TTC27: variants seen among roughly 807,000 people sequenced by gnomAD.
The protein encoded by TTC27 is tetratricopeptide repeat domain 27, also known as tetratricopeptide repeat protein 27.
In TTC27, 79 loss-of-function variants were observed where a neutral mutation model predicts 115.9. That is an observed-to-expected ratio of 0.68 (90% CI 0.57 to 0.82). The LOEUF is 0.82. TTC27 is among the 40% of genes least tolerant of loss of function. TTC27 has a pLI of 0.00. For synonymous variants in TTC27, 401 were observed against 356.0 expected, an observed-to-expected ratio of 1.13 and a Z score of -1.42; for missense variants, 1,054 against 993.1, an observed-to-expected ratio of 1.06 and a Z score of -0.82.
chr2:32,807,605 A>C (rs530009126), intron 16 of TTC27, among the ~76,000 whole-genome samples: 1 of 152,324 alleles, frequency 6.6e-6, no homozygotes, highest in African/African-American at 2.4e-5. Flanking sequence ...ATTGAAAATT[A>C]GTATTATAGG....
chr2:32,759,873 C>G (rs1358806250), intron 13 of TTC27, among the ~76,000 whole-genome samples: 2 of 152,222 alleles, frequency 1.3e-5, no homozygotes, highest in Non-Finnish European at 2.9e-5. Context: ...ACTTATTTCA[C>G]TTAGCATAAT....
At chr2:32,686,782 A>G (rs2151893026) in intron 9 of TTC27, among the ~76,000 whole-genome samples, 1 of 152,288 alleles carries the variant, frequency 6.6e-6, no homozygotes, top group South Asian at 2.1e-4. Flanking sequence ...AAAGGCAGAA[A>G]GATTCTGGAG....
intron 9 of TTC27, among the ~76,000 whole-genome samples, chr2:32,686,950 T>TTC (rs1248863003): frequency 2.0e-5 from 3 of 152,156 alleles, no homozygotes; most frequent in Non-Finnish European, 2.9e-5. Flanking sequence ...GTTCAAGCAA[T>TTC]TCCTGTGCCT....
At chr2:32,650,001 T>C in intron 4 of TTC27, 130 bp from the exon 5 acceptor site, 1 of 697,712 alleles carries the variant, frequency 1.4e-6, no homozygotes, top group Non-Finnish European at 2.4e-6. Flanking sequence ...AAGAGAGTAG[T>C]GGATGGGTAA....
At chr2:32,694,827 C>G (rs1243105495) in intron 9 of TTC27, among the ~76,000 whole-genome samples, 1 of 151,618 alleles carries the variant, frequency 6.6e-6, no homozygotes, top group East Asian at 1.9e-4. Flanking sequence ...TGTGCACTGC[C>G]ACACCAGGTT....
intron 4 of TTC27, among the ~76,000 whole-genome samples, chr2:32,644,153 C>A (rs1345830481): frequency 6.8e-6 from 1 of 146,146 alleles, no homozygotes; most frequent in African/African-American, 2.6e-5. Flanking sequence ...TGCACACCAG[C>A]CTGAGCAACA....
chr2:32,631,381 A>G (rs552691343), intron 2 of TTC27, among the ~76,000 whole-genome samples: 1 of 152,288 alleles, frequency 6.6e-6, no homozygotes, highest in South Asian at 2.1e-4. Flanking sequence ...GTAACTATTT[A>G]TTATGTTTTA....
intron 9 of TTC27, among the ~76,000 whole-genome samples, chr2:32,700,530 T>C (rs911250826): frequency 6.6e-6 from 1 of 152,196 alleles, no homozygotes; most frequent in African/African-American, 2.4e-5. Context: ...GAAAAGTCTT[T>C]TCCTTTGAAA....
At chr2:32,660,435 A>G (rs1665500393) in intron 5 of TTC27, among the ~76,000 whole-genome samples, 1 of 152,196 alleles carries the variant, frequency 6.6e-6, no homozygotes, top group African/African-American at 2.4e-5. Context: ...GGATGAGTTC[A>G]TGTCCTTTGC....
intron 4 of TTC27, among the ~76,000 whole-genome samples, chr2:32,641,664 A>C (rs1664652980): frequency 6.6e-6 from 1 of 152,026 alleles, no homozygotes; most frequent in Admixed American, 6.6e-5. Context: ...GAAAATTTTT[A>C]AGAAATGCAA....
At chr2:32,745,474 A>G (rs60290630) in intron 12 of TTC27, among the ~76,000 whole-genome samples, 7,911 of 152,192 alleles carry the variant, frequency 0.052, 529 homozygotes, top group African/African-American at 0.16. Context: ...TGGACCACAC[A>G]TGAAGTGGGT....
chr2:32,762,639 T>G (rs1377072169), intron 13 of TTC27, among the ~76,000 whole-genome samples: 2 of 149,098 alleles, frequency 1.3e-5, no homozygotes, highest in Non-Finnish European at 3.0e-5. Flanking sequence ...TTTTTTTTTT[T>G]GTTTTGTTTT....
intron 12 of TTC27, among the ~76,000 whole-genome samples, chr2:32,755,392 C>A (rs1305435484): frequency 6.6e-6 from 1 of 152,190 alleles, no homozygotes; most frequent in Non-Finnish European, 1.5e-5. Flanking sequence ...ACCAGCCCGG[C>A]CAACACAGCG....
intron 12 of TTC27, among the ~76,000 whole-genome samples, chr2:32,750,827 A>G (rs1487736799): frequency 6.6e-6 from 1 of 152,240 alleles, no homozygotes; most frequent in African/African-American, 2.4e-5. Context: ...CCCTAATAAC[A>G]AGTATTAATA....
intron 4 of TTC27, among the ~76,000 whole-genome samples, chr2:32,641,618 C>T (rs1468438408): frequency 6.6e-6 from 1 of 152,144 alleles, no homozygotes; most frequent in Admixed American, 6.5e-5. Context: ...AGAAATAGTA[C>T]ATCTAAATTT....
intron 13 of TTC27, among the ~76,000 whole-genome samples, chr2:32,760,977 C>G (rs1352698841): frequency 6.6e-6 from 1 of 152,186 alleles, no homozygotes; most frequent in African/African-American, 2.4e-5. Flanking sequence ...TTGATTTCAT[C>G]TAGTGCTGGA....
intron 15 of TTC27, among the ~76,000 whole-genome samples, chr2:32,784,382 A>G (rs1670281610): frequency 6.6e-6 from 1 of 152,204 alleles, no homozygotes; most frequent in South Asian, 2.1e-4. Flanking sequence ...GGTTCTAGAC[A>G]AAGCTAATGG....
intron 9 of TTC27, among the ~76,000 whole-genome samples, chr2:32,697,205 A>G (rs1206292172): frequency 6.7e-6 from 1 of 149,298 alleles, no homozygotes; most frequent in Non-Finnish European, 1.5e-5. Context: ...AAAAAAAAAC[A>G]AACAAAAAGA....
At chr2:32,639,047 T>A (rs1664536561) in intron 3 of TTC27, among the ~76,000 whole-genome samples, 1 of 152,052 alleles carries the variant, frequency 6.6e-6, no homozygotes, top group East Asian at 1.9e-4. Context: ...TTAGCCAGGA[T>A]GGTCTTGATC....
Sources: allele counts gnomAD v4.1 joint callset (sites outside exome capture counted in the v4.1 genomes callset), GRCh38; gene constraint gnomAD v4.1.1; transcripts MANE v1.5; gene names NCBI Gene and HGNC (gene_info 2026-07-23, HGNC 2026-07-21).